Variants in SCFD1 observed in about 807,000 individuals in gnomAD.
SCFD1 encodes the protein sec1 family domain containing 1.
SCFD1 carries 37 observed loss-of-function variants against 103.2 expected under a neutral mutation model. That is an observed-to-expected ratio of 0.36 (90% CI 0.28 to 0.47). The LOEUF is 0.47. Among genes scored for constraint, SCFD1 ranks in the 20% least tolerant of loss-of-function variants. The pLI is 1.00. For missense variants in SCFD1, 639 were observed against 761.2 expected (o/e 0.84, Z 1.89); for synonymous variants, 264 against 245.0 (o/e 1.08, Z -0.73).
At chr14:30,703,592 G>T (rs1463313540) in intron 17 of SCFD1, among the ~76,000 whole-genome samples, 1 of 148,328 alleles carries the variant, frequency 6.7e-6, no homozygotes, top group East Asian at 2.0e-4. Context: ...AAGACTAAAG[G>T]ATTAAATAGG....
Position 30,653,425 on chromosome 14 carries a change from G to A in SCFD1, c.756-64G>A. The A allele has an allele frequency of 3.1e-6, 3 of 981,366 alleles. No homozygotes were observed. In the South Asian group the frequency reaches 4.2e-5, roughly 14 times the overall value. The allele number at this position is 981,366 out of a possible 1,614,324, so 60.8% of individuals were successfully genotyped here. A position where few individuals can be genotyped will look rare whatever the true frequency, so the allele number is the denominator to read the frequency against. Reference sequence around the variant, plus strand: ...AAATGGCATATACTGGAAAGTAGTAGAATATTTTAGATGTATACACTGGTA... The same window carrying A: ...AAATGGCATATACTGGAAAGTAGTAAAATATTTTAGATGTATACACTGGTA... On this transcript the variant is annotated intron_variant, in intron 9 of 24. Transcript: ENST00000458591.
chr14:30,715,771 CT>C (rs1275364339), intron 19 of SCFD1, 152 bp from the exon 20 acceptor site: 1 of 539,298 alleles, frequency 1.9e-6, no homozygotes, highest in Non-Finnish European at 3.3e-6. Flanking sequence ...GTATTTACAT[CT>C]TTGACATCAC....
At chr14:30,622,258 C>A (rs900679711), upstream of SCFD1, 28 of 1,568,706 alleles carry the variant, frequency 1.8e-5, no homozygotes, top group Non-Finnish European at 2.4e-5. Context: ...CCCTTCCGGG[C>A]TTTGCTTCCG....
At chr14:30,645,924 G>A (rs1444342058) in intron 7 of SCFD1, among the ~76,000 whole-genome samples, 1 of 152,034 alleles carries the variant, frequency 6.6e-6, no homozygotes, top group Non-Finnish European at 1.5e-5. Flanking sequence ...TACAGCTTTT[G>A]CCCATTTATT....
chr14:30,657,719 A>G (rs1887044953), intron 10 of SCFD1, among the ~76,000 whole-genome samples: 1 of 152,336 alleles, frequency 6.6e-6, no homozygotes, highest in East Asian at 1.9e-4. Flanking sequence ...GCTACTTTTG[A>G]AGGTCTTCAG....
intron 14 of SCFD1, chr14:30,683,228 G>T: frequency 9.0e-7 from 1 of 1,113,102 alleles, no homozygotes; most frequent in South Asian, 1.5e-5. Flanking sequence ...ATGTCATACA[G>T]GGCAGACCAC....
At chr14:30,643,187 A>T in intron 6 of SCFD1, 129 bp from the exon 7 acceptor site, 1 of 731,838 alleles carries the variant, frequency 1.4e-6, no homozygotes, top group Non-Finnish European at 2.4e-6. Context: ...AAAAAAATTT[A>T]AACCAAAAAA....
At chr14:30,622,817 G>A (rs2138955687) in intron 1 of SCFD1, among the ~76,000 whole-genome samples, 1 of 152,232 alleles carries the variant, frequency 6.6e-6, no homozygotes, top group East Asian at 1.9e-4. Flanking sequence ...TTTTCACAGC[G>A]GCTTGCTTTG....
intron 20 of SCFD1, among the ~76,000 whole-genome samples, chr14:30,716,644 G>A (rs1165404478): frequency 3.3e-5 from 5 of 152,186 alleles, no homozygotes; most frequent in African/African-American, 9.6e-5. Flanking sequence ...TGAGCCTACC[G>A]ACATCAAAAC....
At chr14:30,673,452 G>A in intron 12 of SCFD1, 105 bp downstream of exon 12, 2 of 521,458 alleles carry the variant, frequency 3.8e-6, no homozygotes, top group Non-Finnish European at 3.4e-6. Context: ...GCCATTTAAT[G>A]CTTTTATAAC....
At chr14:30,670,198 A>G in intron 10 of SCFD1, 58 bp from the exon 11 acceptor site, 1 of 1,381,010 alleles carries the variant, frequency 7.2e-7, no homozygotes, top group Non-Finnish European at 9.9e-7. Flanking sequence ...GGGCAACAAG[A>G]TTCTATTTTT....
chr14:30,728,920 C>G (rs901405873), intron 23 of SCFD1, among the ~76,000 whole-genome samples: 11 of 148,540 alleles, frequency 7.4e-5, no homozygotes, highest in Admixed American at 1.4e-4. Flanking sequence ...TTTTGGCTCA[C>G]TGCAGCCTCT....
chr14:30,659,353 A>T (rs1392950491), intron 10 of SCFD1, among the ~76,000 whole-genome samples: 1 of 152,172 alleles, frequency 6.6e-6, no homozygotes, highest in South Asian at 2.1e-4. Context: ...TTTTCTTTTC[A>T]TATTTAAGTC....
intron 23 of SCFD1, among the ~76,000 whole-genome samples, chr14:30,724,657 G>A (rs1057026008): frequency 3.3e-5 from 5 of 152,040 alleles, no homozygotes; most frequent in Admixed American, 6.6e-5. Context: ...GTTTTCTGTT[G>A]ATAATTTCTT....
At chr14:30,630,678 C>A in intron 3 of SCFD1, 113 bp downstream of exon 3, 1 of 640,584 alleles carries the variant, frequency 1.6e-6, no homozygotes. Context: ...CCTGTATCTT[C>A]TTTATTCAAC....
rs1487751067 is a variant in SCFD1, at chr14:30,679,412, T to C, written c.1242+4347T>C. ...GGTAAAAAACCTTAACCATAAAAGA[T>C]TGGAAAGCCTCAGAAAATACTGTAT... On this transcript the variant is annotated intron_variant, in intron 14 of 24. Coordinates refer to ENST00000458591, the MANE Select transcript of SCFD1 (RefSeq NM_016106.4). Among the ~76,000 whole-genome samples the C allele has an allele frequency of 2.0e-5, 3 of 152,132 alleles. No homozygotes were observed. The East Asian group carries it at 5.8e-4, about 29-fold the overall frequency.
At chr14:30,698,774 AG>A (rs1435511312) in intron 15 of SCFD1, among the ~76,000 whole-genome samples, 1 of 152,208 alleles carries the variant, frequency 6.6e-6, no homozygotes, top group East Asian at 1.9e-4. Flanking sequence ...GGAAAGTACC[AG>A]GGAGATTGTG....
rs191499510 is a variant in SCFD1, at chr14:30,654,410, A to T, written c.855+822A>T. ...GAATGAAAGCTGAGTGTAGTGGCTC[A>T]TGCCTATAATCCCAGCACTTTGGGA... On this transcript the variant is annotated intron_variant, in intron 10 of 24. Transcript: ENST00000458591. Among the ~76,000 whole-genome samples the T allele has an allele frequency of 3.1e-4, 47 of 152,388 alleles. No individual in the cohort carries two copies. In the East Asian group the frequency reaches 6.4e-3, roughly 21 times the overall value.
At chr14:30,641,241 C>T (rs930290128) in intron 6 of SCFD1, among the ~76,000 whole-genome samples, 2 of 152,030 alleles carry the variant, frequency 1.3e-5, no homozygotes, top group African/African-American at 2.4e-5. Flanking sequence ...ATATTAATAG[C>T]GTGGTATTGA....
Sources: gnomAD v4.1 joint callset for allele counts (sites outside exome capture counted in the v4.1 genomes callset) on GRCh38, gnomAD v4.1.1 for gene constraint, MANE v1.5 for transcripts, NCBI Gene and HGNC (gene_info 2026-07-23, HGNC 2026-07-21) for gene names.